Variants in CUX1 observed in about 807,000 individuals in gnomAD.
CUX1 encodes the protein cut like homeobox 1, also known as protein CASP.
In CUX1, 31 loss-of-function variants were observed where a neutral mutation model predicts 158.8. The observed-to-expected ratio is 0.20, with a 90% CI of 0.15 to 0.26. CUX1 has a LOEUF of 0.26. Among genes scored for constraint, CUX1 ranks in the 10% least tolerant of loss-of-function variants. The probability of loss-of-function intolerance (pLI) is 1.00; values close to 1 mark genes in which losing one functional copy is unlikely to be tolerated. For synonymous variants in CUX1, 879 were observed against 862.1 expected, an observed-to-expected ratio of 1.02 and a Z score of -0.34; for missense variants, 1,589 against 2,014.6, an observed-to-expected ratio of 0.79 and a Z score of 4.04.
chr7:101,831,450 C>G (rs146255671), intron 1 of CUX1, among the ~76,000 whole-genome samples: 2 of 152,084 alleles, frequency 1.3e-5, no homozygotes, highest in Admixed American at 6.6e-5. Context: ...ACCACCACGC[C>G]GGGCTAATTT....
intron 23 of CUX1, among the ~76,000 whole-genome samples, chr7:102,240,884 G>A (rs897614600): frequency 5.9e-5 from 9 of 152,062 alleles, no homozygotes; most frequent in African/African-American, 9.7e-5. Flanking sequence ...GCAGTGGCAC[G>A]ATCTCGGCTC....
At chr7:102,175,889 G>A (rs761106799) in intron 10 of CUX1, among the ~76,000 whole-genome samples, 9 of 152,218 alleles carry the variant, frequency 5.9e-5, no homozygotes, top group Non-Finnish European at 1.0e-4. Context: ...CCGAAATGCC[G>A]AATCGCTATA....
intron 2 of CUX1, among the ~76,000 whole-genome samples, chr7:102,017,472 C>CTAGAACA (rs11266832): frequency 0.42 from 63,944 of 151,502 alleles, 14,064 homozygotes; most frequent in Non-Finnish European, 0.46. Context: ...ACCATTCTCG[C>CTAGAACA]TAAGCTCCCT....
At chr7:101,990,827 G>C (rs932368020) in intron 2 of CUX1, among the ~76,000 whole-genome samples, 1 of 152,192 alleles carries the variant, frequency 6.6e-6, no homozygotes, top group Non-Finnish European at 1.5e-5. Flanking sequence ...GAGGACTGCT[G>C]GGCTCTGTGT....
rs1586473576 is a variant in CUX1, at chr7:102,257,721, C to G, written c.*8679C>G. 2.0e-6 allele frequency: 2 copies of G among 985,492 alleles called. No individual in the cohort carries two copies. Among genetic ancestry groups the G allele is most frequent in the Non-Finnish European group, 2.4e-6 (2 of 829,964 alleles). The allele number at this position is 985,492 out of a possible 1,614,324, so 61.0% of individuals were successfully genotyped here. On this transcript the variant is annotated 3_prime_UTR_variant, in exon 24 of 24. Transcript: ENST00000292535. ...AGCTCAGCTCCCCCCACCCCACCCC[C>G]ACTCTAGCGTTTTGTCACGTCTTAC...
At chr7:101,849,278 C>T (rs1796022325) in intron 1 of CUX1, among the ~76,000 whole-genome samples, 1 of 151,766 alleles carries the variant, frequency 6.6e-6, no homozygotes, top group Non-Finnish European at 1.5e-5. Context: ...AGCCCAGTAT[C>T]CATTAGTTTT....
downstream of CUX1, among the ~76,000 whole-genome samples, chr7:102,261,061 C>T (rs1033744893): frequency 3.3e-5 from 5 of 152,366 alleles, no homozygotes; most frequent in East Asian, 1.9e-4. Context: ...GCCAGTGGGC[C>T]GTTGCTTAGC....
intron 17 of CUX1, among the ~76,000 whole-genome samples, chr7:102,277,793 G>C (rs933449783): frequency 4.6e-5 from 7 of 152,084 alleles, no homozygotes; most frequent in African/African-American, 7.2e-5. Context: ...ACTTCTGCCT[G>C]TGGTGGGGCC....
chr7:101,920,826 G>A (rs1323865950), intron 2 of CUX1, among the ~76,000 whole-genome samples: 4 of 152,092 alleles, frequency 2.6e-5, no homozygotes, highest in South Asian at 2.1e-4. Flanking sequence ...CATAATAGGC[G>A]GTGGAGTGTT....
At chr7:102,070,945 T>A (rs113540562) in intron 4 of CUX1, among the ~76,000 whole-genome samples, 20,753 of 151,998 alleles carry the variant, frequency 0.14, 3,151 homozygotes, top group African/African-American at 0.38. Context: ...TCTTTTATTT[T>A]TTTTTTCTAA....
At chr7:101,951,758 C>T (rs568665602) in intron 2 of CUX1, among the ~76,000 whole-genome samples, 160 of 152,322 alleles carry the variant, frequency 1.1e-3, no homozygotes, top group African/African-American at 3.7e-3. Context: ...CCGCCCGCAT[C>T]GGCCTCCCGA....
At chr7:102,133,431 G>C (rs1369944362) in intron 8 of CUX1, among the ~76,000 whole-genome samples, 2 of 151,102 alleles carry the variant, frequency 1.3e-5, no homozygotes, top group African/African-American at 4.9e-5. Flanking sequence ...GAGAGAACCT[G>C]GGGGCTTCAT....
intron 1 of CUX1, among the ~76,000 whole-genome samples, chr7:101,911,164 TGCCTGGGCCTGG>T (rs895132287): frequency 6.6e-6 from 1 of 152,288 alleles, no homozygotes; most frequent in Non-Finnish European, 1.5e-5. Flanking sequence ...TGCAGTGGAC[TGCCTGGGCCTGG>T]GCCTGGGCCT....
At chr7:102,030,692 T>TTTTTTTTTTTTTTTTTTTGTTTTTTG (rs1563153283) in intron 3 of CUX1, among the ~76,000 whole-genome samples, 1 of 62,404 alleles carries the variant, frequency 1.6e-5, no homozygotes, top group Non-Finnish European at 2.9e-5. Flanking sequence ...TTAAAAAGTG[T>TTTTTTTTTTTTTTTTTTTGTTTTTTG]TTTTTTTTTT....
intron 20 of CUX1, among the ~76,000 whole-genome samples, chr7:102,214,236 GGTGGTGGCCAGGC>G (rs1346231176): frequency 6.6e-6 from 1 of 152,082 alleles, no homozygotes; most frequent in Non-Finnish European, 1.5e-5. Context: ...TCAAGAAGAA[GGTGGTGGCCAGGC>G]GTGGTGGCTG....
intron 2 of CUX1, among the ~76,000 whole-genome samples, chr7:101,970,371 T>C (rs910091671): frequency 6.6e-6 from 1 of 151,912 alleles, no homozygotes; most frequent in Non-Finnish European, 1.5e-5. Flanking sequence ...CGGGGGTGCG[T>C]TGGAGGGGGC....
At chr7:101,818,227 C>G (rs1301462554) in intron 1 of CUX1, among the ~76,000 whole-genome samples, 1 of 152,186 alleles carries the variant, frequency 6.6e-6, no homozygotes, top group Non-Finnish European at 1.5e-5. Flanking sequence ...ATGAACACAG[C>G]CGAATGGCAT....
intron 1 of CUX1, among the ~76,000 whole-genome samples, chr7:101,914,340 ATTCC>A (rs1415180514): frequency 1.5e-5 from 2 of 135,364 alleles, no homozygotes; most frequent in Non-Finnish European, 3.1e-5. Context: ...AGTGTCTACG[ATTCC>A]TTCCTTCTTC....
chr7:102,059,951 C>A (rs930139221), intron 3 of CUX1, among the ~76,000 whole-genome samples: 1 of 152,004 alleles, frequency 6.6e-6, no homozygotes, highest in African/African-American at 2.4e-5. Flanking sequence ...GTGGATTGTT[C>A]TTGAATATGC....
Sources: gnomAD v4.1 joint callset for allele counts (sites outside exome capture counted in the v4.1 genomes callset) on GRCh38, gnomAD v4.1.1 for gene constraint, MANE v1.5 for transcripts, NCBI Gene and HGNC (gene_info 2026-07-23, HGNC 2026-07-21) for gene names.